Variants in NTNG2 observed in about 807,000 individuals in gnomAD.
NTNG2 encodes the protein netrin G2, also known as netrin-G2.
NTNG2 carries 15 observed loss-of-function variants against 47.6 expected under a neutral mutation model. That is an observed-to-expected ratio of 0.32 (90% confidence interval 0.21 to 0.49). NTNG2 has a LOEUF of 0.49. NTNG2 is among the 20% of genes least tolerant of loss of function. The pLI is 0.99. For missense variants in NTNG2, 578 were observed against 764.6 expected (o/e 0.76, Z 2.88); for synonymous variants, 307 against 324.6 (o/e 0.95, Z 0.58).
At chr9:132,223,202 G>C (rs1332786032) in intron 3 of NTNG2, among the ~76,000 whole-genome samples, 1 of 152,212 alleles carries the variant, frequency 6.6e-6, no homozygotes, top group Admixed American at 6.5e-5. Context: ...AAGACCCCAA[G>C]GAGGAAGGCA....
At position 132,243,496 on chromosome 9, in the gene NTNG2, C is replaced by G. The variant is rs949509678; in HGVS notation, c.*1385C>G. The G allele has an allele frequency of 6.6e-6, 1 of 152,366 alleles. No individual in the cohort carries two copies. The highest frequency in any genetic ancestry group is 1.5e-5 in the Non-Finnish European group (1 of 68,188). The allele number at this position is 152,366 out of a possible 1,614,324, so 9.4% of individuals were successfully genotyped here. ...CTGATTCAGAGGATCCAGCAGTTCT[C>G]CCATCTCCGCTTGGTGTCTCCAGCC... On this transcript the variant is annotated 3_prime_UTR_variant, in exon 8 of 8. Coordinates refer to ENST00000393229, the MANE Select transcript of NTNG2 (RefSeq NM_032536.4).
chr9:132,172,760 C>T (rs186308157), intron 2 of NTNG2, among the ~76,000 whole-genome samples: 428 of 123,590 alleles, frequency 3.5e-3, no homozygotes, highest in Admixed American at 5.7e-3. Context: ...GTCAAAGTCT[C>T]GCTCTGTCGC....
At chr9:132,201,679 C>A (rs530722155) in intron 3 of NTNG2, among the ~76,000 whole-genome samples, 1 of 152,348 alleles carries the variant, frequency 6.6e-6, no homozygotes, top group South Asian at 2.1e-4. Context: ...CTGTGGCCCA[C>A]TAACAAGAAC....
intron 3 of NTNG2, among the ~76,000 whole-genome samples, chr9:132,219,705 T>C (rs778448978): frequency 6.6e-6 from 1 of 152,254 alleles, no homozygotes. Flanking sequence ...ATTTCATTAC[T>C]TTTTCTGGCT....
At position 132,183,866 on chromosome 9, in the gene NTNG2, T is replaced by TGTTG; in HGVS notation, c.214-14096_214-14093dup. ...TGGTTAATTACTCGATTGGTTAGTT[T>TGTTG]GTTGGTTTGTTTGTTAGCTTTCAAT... On this transcript the variant is annotated intron_variant, in intron 2 of 7. Coordinates refer to ENST00000393229, the MANE Select transcript of NTNG2 (RefSeq NM_032536.4). Among the ~76,000 whole-genome samples, 7 of 152,262 alleles carry TGTTG rather than the reference T, an allele frequency of 4.6e-5. 1 individual carries two copies. The highest frequency in any genetic ancestry group is 4.6e-4 in the Admixed American group (7 of 15,302).
chr9:132,190,093 C>T (rs1464433455), intron 2 of NTNG2, among the ~76,000 whole-genome samples: 5 of 150,040 alleles, frequency 3.3e-5, no homozygotes, highest in African/African-American at 9.7e-5. Flanking sequence ...CTTAGCTGGG[C>T]GTGGTGGCGG....
At chr9:132,191,635 G>C (rs904319091) in intron 2 of NTNG2, among the ~76,000 whole-genome samples, 3 of 151,856 alleles carry the variant, frequency 2.0e-5, no homozygotes, top group African/African-American at 7.3e-5. Context: ...GCAGTGGCGC[G>C]ATCTCGGCTC....
chr9:132,189,068 C>CTTTTTTTTTTTTTTTT (rs749756559), intron 2 of NTNG2, among the ~76,000 whole-genome samples: 2,991 of 93,228 alleles, frequency 0.032, 616 homozygotes, highest in African/African-American at 0.038. Context: ...TTAAGCCTTT[C>CTTTTTTTTTTTTTTTT]TTTTTTTTTT....
In NTNG2 at chr9:132,166,528, T is replaced by A. The variant is rs952151166; in HGVS notation, c.-304T>A. ...GTCACAATTTGAGAATCTGCCTGAT[T>A]TGATCAGATTCACCTCCAGGGGAGG... is the stretch of plus-strand genomic sequence containing the variant. On this transcript the variant is annotated 5_prime_UTR_variant, in exon 2 of 8. The change creates a new upstream start codon in the 5' untranslated region. Transcript: ENST00000393229. 1 of 417,060 alleles carries A rather than the reference T, an allele frequency of 2.4e-6. No homozygotes were observed. Among genetic ancestry groups the A allele is most frequent in the Admixed American group, 3.6e-5 (1 of 28,102 alleles). The allele number at this position is 417,060 out of a possible 1,614,324, so 25.8% of individuals were successfully genotyped here.
At chr9:132,195,404 G>A (rs1252112771) in intron 2 of NTNG2, among the ~76,000 whole-genome samples, 2 of 151,808 alleles carry the variant, frequency 1.3e-5, no homozygotes, top group Admixed American at 6.6e-5. Context: ...CTCCTCCCGG[G>A]TTCATGCCAT....
At chr9:132,193,790 T>A (rs1838073379) in intron 2 of NTNG2, among the ~76,000 whole-genome samples, 1 of 152,154 alleles carries the variant, frequency 6.6e-6, no homozygotes, top group Non-Finnish European at 1.5e-5. Context: ...CCCAGGTGGC[T>A]TAAACAACAA....
rs545854392 is a variant in NTNG2 at position 132,162,879 on chromosome 9, G to A, written c.-484+640G>A. On this transcript the variant is annotated intron_variant, in intron 1 of 7. Transcript: ENST00000393229. This position sits in a 1 kb window ranked among gnomAD's most constrained non-coding sequence, Gnocchi z 4.6. ...ACTGGTTTGGGGCCGGCGTGGAGTC[G>A]AACCTGGAACTGAGCGGCGCGCAGG... Among the ~76,000 whole-genome samples, 3 of 152,172 alleles carry A rather than the reference G, an allele frequency of 2.0e-5. No individual in the cohort carries two copies. Among genetic ancestry groups the A allele is most frequent in the South Asian group, 2.1e-4 (1 of 4,828 alleles).
chr9:132,188,243 G>A (rs945063030), intron 2 of NTNG2, among the ~76,000 whole-genome samples: 7 of 152,210 alleles, frequency 4.6e-5, no homozygotes, highest in Admixed American at 6.5e-5. Flanking sequence ...CCTTGTATGC[G>A]GCAGCAGCCT....
At chr9:132,175,625 C>T (rs536911289) in intron 2 of NTNG2, among the ~76,000 whole-genome samples, 1 of 152,332 alleles carries the variant, frequency 6.6e-6, no homozygotes, top group South Asian at 2.1e-4. Context: ...TGTTTTTCAT[C>T]AGCAGCAGAT....
intron 5 of NTNG2, among the ~76,000 whole-genome samples, chr9:132,238,023 C>G (rs1378472769): frequency 6.6e-6 from 1 of 152,144 alleles, no homozygotes; most frequent in Non-Finnish European, 1.5e-5. Context: ...CTGGGTCAGT[C>G]CCTCATCCCA....
intron 2 of NTNG2, among the ~76,000 whole-genome samples, chr9:132,172,131 G>A (rs761647566): frequency 2.0e-5 from 3 of 152,182 alleles, no homozygotes; most frequent in African/African-American, 4.8e-5. Flanking sequence ...GCCTTGGCCC[G>A]TGCTGTCTCC....
chr9:132,199,356 G>T lies in NTNG2; in HGVS notation c.857+747G>T, dbSNP rs186192078. Reference sequence around the variant, plus strand: ...GCAAAGCTGCTATATTCACAGTTATGGTTTATTACAATGAAGGATACAGAT... The same window carrying T: ...GCAAAGCTGCTATATTCACAGTTATTGTTTATTACAATGAAGGATACAGAT... On this transcript the variant is annotated intron_variant, in intron 3 of 7. Coordinates refer to ENST00000393229, the MANE Select transcript of NTNG2 (RefSeq NM_032536.4). Among the ~76,000 whole-genome samples, 510 of 152,284 alleles carry T rather than the reference G, an allele frequency of 3.3e-3. 10 individuals carry two copies. Among genetic ancestry groups the T allele is most frequent in the Admixed American group, 0.023 (348 of 15,296 alleles).
chr9:132,204,726 G>T (rs1839037377), intron 3 of NTNG2, among the ~76,000 whole-genome samples: 1 of 152,186 alleles, frequency 6.6e-6, no homozygotes, highest in South Asian at 2.1e-4. Flanking sequence ...GTCCTATCCT[G>T]TGAGGATCAT....
intron 4 of NTNG2, among the ~76,000 whole-genome samples, chr9:132,229,120 C>G (rs1841009188): frequency 6.6e-6 from 1 of 152,080 alleles, no homozygotes; most frequent in South Asian, 2.1e-4. Context: ...GCCTTTGAGG[C>G]CCCCAAGCCC....
Sources: allele counts gnomAD v4.1 joint callset (sites outside exome capture counted in the v4.1 genomes callset), GRCh38; gene constraint gnomAD v4.1.1; non-coding constraint Gnocchi (gnomAD v3.1); transcripts MANE v1.5; gene names NCBI Gene and HGNC (gene_info 2026-07-23, HGNC 2026-07-21).